OPCML: variants seen among roughly 807,000 people sequenced by gnomAD.
OPCML encodes opioid binding protein/cell adhesion molecule like, also known as opioid-binding protein/cell adhesion molecule.
A neutral mutation model predicts 37.8 loss-of-function variants in OPCML; 13 were observed. That is an observed-to-expected ratio of 0.34 (90% CI 0.22 to 0.55). The LOEUF (loss-of-function observed/expected upper bound fraction) is 0.55, where lower values mean the gene tolerates loss of function less well. OPCML is among the 20% of genes least tolerant of loss of function. The pLI, the probability that OPCML is intolerant of heterozygous loss-of-function variation, is 0.91. For missense variants in OPCML, 341 were observed against 435.6 expected (o/e 0.78, Z 1.93); for synonymous variants, 176 against 168.8 (o/e 1.04, Z -0.33).
intron 3 of OPCML, among the ~76,000 whole-genome samples, chr11:132,625,511 A>G (rs1023217795): frequency 6.6e-6 from 1 of 152,200 alleles, no homozygotes; most frequent in African/African-American, 2.4e-5. Flanking sequence ...CCTCTGCCAG[A>G]AACAGCTCTG....
At chr11:132,499,615 G>A (rs867013761) in intron 4 of OPCML, among the ~76,000 whole-genome samples, 1 of 152,202 alleles carries the variant, frequency 6.6e-6, no homozygotes, top group Non-Finnish European at 1.5e-5. Flanking sequence ...GCATGCCTGG[G>A]ATTGAATCCT....
intron 1 of OPCML, among the ~76,000 whole-genome samples, chr11:133,496,885 C>A (rs549807835): frequency 6.6e-6 from 1 of 152,222 alleles, no homozygotes; most frequent in Admixed American, 6.5e-5. Context: ...ATTTGGATGG[C>A]CTTTATTTCT....
chr11:133,198,888 A>G (rs910569669), intron 1 of OPCML, among the ~76,000 whole-genome samples: 1 of 152,202 alleles, frequency 6.6e-6, no homozygotes. Flanking sequence ...TTCTTCTAAT[A>G]CAGATAGTAT....
At chr11:132,610,528 C>T (rs1375936443) in intron 3 of OPCML, among the ~76,000 whole-genome samples, 3 of 152,074 alleles carry the variant, frequency 2.0e-5, no homozygotes, top group African/African-American at 4.8e-5. Flanking sequence ...AGTTGGCTGC[C>T]GAAGAGCACT....
intron 1 of OPCML, among the ~76,000 whole-genome samples, chr11:133,113,633 C>G (rs77607382): frequency 0.067 from 10,175 of 152,304 alleles, 436 homozygotes; most frequent in East Asian, 0.22. Context: ...CAGCCAAACA[C>G]TAGCAATAAT....
At chr11:133,424,141 C>T (rs892766938) in intron 1 of OPCML, among the ~76,000 whole-genome samples, 4 of 152,154 alleles carry the variant, frequency 2.6e-5, no homozygotes, top group African/African-American at 9.7e-5. Flanking sequence ...CCTGCTAATC[C>T]TTATTAACAG....
chr11:132,499,869 A>G (rs1209919149), intron 4 of OPCML, among the ~76,000 whole-genome samples: 1 of 152,182 alleles, frequency 6.6e-6, no homozygotes, highest in Non-Finnish European at 1.5e-5. Context: ...ACACTACTCA[A>G]ATCTAAGCCA....
Position 133,173,850 on chromosome 11 carries a change from A to AATG in OPCML, c.62-230841_62-230840insCAT, listed in dbSNP as rs201986766. Among the ~76,000 whole-genome samples, 1,067 of 152,242 alleles carry AATG rather than the reference A, an allele frequency of 7.0e-3. 25 individuals carry two copies. The highest frequency in any genetic ancestry group is 0.025 in the African/African-American group (1,032 of 41,500). ...ATGCAGGCCTTGAGTTTATGAGGCA[A>AATG]ATAATGAAGTTGATAAATGGGTCTG... is the stretch of plus-strand genomic sequence containing the variant. On this transcript the variant is annotated intron_variant, in intron 1 of 7. Coordinates refer to ENST00000524381, the MANE Select transcript of OPCML (RefSeq NM_001012393.5). This position sits in a 1 kb window ranked among gnomAD's most constrained non-coding sequence, Gnocchi z 7.8.
intron 2 of OPCML, among the ~76,000 whole-genome samples, chr11:132,841,960 C>A (rs565767911): frequency 3.2e-4 from 48 of 150,014 alleles, no homozygotes; most frequent in Non-Finnish European, 5.8e-4. Flanking sequence ...CCAGGTCAAT[C>A]CATCTGCATG....
At chr11:133,078,610 C>A (rs893797978) in intron 1 of OPCML, among the ~76,000 whole-genome samples, 1 of 152,130 alleles carries the variant, frequency 6.6e-6, no homozygotes, top group Non-Finnish European at 1.5e-5. Flanking sequence ...GCTGTCTAGG[C>A]CCTTGACCCT....
At chr11:133,471,371 G>A (rs982623651) in intron 1 of OPCML, among the ~76,000 whole-genome samples, 3 of 152,212 alleles carry the variant, frequency 2.0e-5, no homozygotes, top group Non-Finnish European at 2.9e-5. Context: ...AATGTTGGTA[G>A]GTAAAAGGGC....
chr11:133,012,318 G>C (rs886733026), intron 1 of OPCML, among the ~76,000 whole-genome samples: 10 of 152,232 alleles, frequency 6.6e-5, no homozygotes, highest in Non-Finnish European at 1.0e-4. Context: ...GCTTATCCAA[G>C]GTCCTTAGCA....
chr11:132,462,283 G>A (rs1410749476), intron 4 of OPCML, among the ~76,000 whole-genome samples: 1 of 152,154 alleles, frequency 6.6e-6, no homozygotes, highest in Admixed American at 6.5e-5. Context: ...TGTTGACTGT[G>A]TAAGAGAAGA....
chr11:132,757,768 G>A (rs528509658), intron 2 of OPCML, among the ~76,000 whole-genome samples: 14 of 152,140 alleles, frequency 9.2e-5, no homozygotes, highest in Non-Finnish European at 2.1e-4. Context: ...TCTGATGACA[G>A]TTTCTTTTGC....
chr11:133,019,908 G>T (rs1008402001), intron 1 of OPCML, among the ~76,000 whole-genome samples: 1 of 152,174 alleles, frequency 6.6e-6, no homozygotes, highest in Non-Finnish European at 1.5e-5. Flanking sequence ...TCAACCACAC[G>T]CACACAGGCA....
At chr11:132,883,321 G>C (rs1341110016) in intron 2 of OPCML, among the ~76,000 whole-genome samples, 3 of 151,938 alleles carry the variant, frequency 2.0e-5, no homozygotes, top group Non-Finnish European at 2.9e-5. Context: ...ATTATTTTAG[G>C]TCAGGCACCA....
intron 2 of OPCML, among the ~76,000 whole-genome samples, chr11:132,872,850 C>CT (rs143278170): frequency 0.04 from 6,158 of 152,236 alleles, 201 homozygotes; most frequent in South Asian, 0.18. Context: ...ACCTTGCTCC[C>CT]TGGCTATTAG....
At chr11:133,192,473 C>A (rs1432573453) in intron 1 of OPCML, among the ~76,000 whole-genome samples, 1 of 152,220 alleles carries the variant, frequency 6.6e-6, no homozygotes, top group Non-Finnish European at 1.5e-5. Flanking sequence ...ATTTGTTCAG[C>A]AATTCTATTA....
chr11:133,221,647 G>A (rs192698926), intron 1 of OPCML, among the ~76,000 whole-genome samples: 389 of 152,272 alleles, frequency 2.6e-3, no homozygotes, highest in Admixed American at 4.4e-3. Flanking sequence ...AGGGGTGCAC[G>A]GGGAGGAGGT....
Sources: allele counts gnomAD v4.1 joint callset (sites outside exome capture counted in the v4.1 genomes callset), GRCh38; gene constraint gnomAD v4.1.1; non-coding constraint Gnocchi (gnomAD v3.1); transcripts MANE v1.5; gene names NCBI Gene and HGNC (gene_info 2026-07-23, HGNC 2026-07-21).